Variants in TRPC4AP observed in about 807,000 individuals in gnomAD.
TRPC4AP encodes transient receptor potential cation channel subfamily C member 4 associated protein.
Under a neutral mutation model 99.0 loss-of-function variants are expected in TRPC4AP, and 45 were observed. The ratio of observed to expected loss-of-function variants is 0.45; its 90% confidence interval spans 0.36 to 0.58. The LOEUF is 0.58. Ranked by LOEUF, TRPC4AP falls within the 20% of genes least tolerant of loss-of-function variation. TRPC4AP has a pLI of 0.00. For synonymous variants in TRPC4AP, 408 were observed against 385.8 expected, an observed-to-expected ratio of 1.06 and a Z score of -0.67; for missense variants, 879 against 985.3, an observed-to-expected ratio of 0.89 and a Z score of 1.44.
At chr20:35,086,537 G>GTATGTATATA (rs1289641922) in intron 1 of TRPC4AP, among the ~76,000 whole-genome samples, 3 of 65,032 alleles carry the variant, frequency 4.6e-5, no homozygotes, top group African/African-American at 8.6e-5. Context: ...GTGTGTGTGT[G>GTATGTATATA]TGTGTGTGTG....
At chr20:35,039,272 T>A (rs1253291275) in intron 7 of TRPC4AP, among the ~76,000 whole-genome samples, 1 of 152,184 alleles carries the variant, frequency 6.6e-6, no homozygotes, top group Non-Finnish European at 1.5e-5. Flanking sequence ...CTCCTCCAGA[T>A]GGGAAGTGCC....
At chr20:35,057,369 G>A in intron 4 of TRPC4AP, 145 bp downstream of exon 4, 1 of 632,712 alleles carries the variant, frequency 1.6e-6, no homozygotes, top group Non-Finnish European at 2.8e-6. Context: ...GCTTAGCTGG[G>A]GGAGGAGAGA....
chr20:35,086,563 G>GTC (rs2084884774), intron 1 of TRPC4AP, among the ~76,000 whole-genome samples: 1 of 99,536 alleles, frequency 1.0e-5, no homozygotes, highest in Admixed American at 1.0e-4. Flanking sequence ...GTGTGTGTGT[G>GTC]TGTGTGTGTG....
chr20:35,011,947 A>G (rs894209837), intron 11 of TRPC4AP, among the ~76,000 whole-genome samples: 1 of 152,220 alleles, frequency 6.6e-6, no homozygotes, highest in Admixed American at 6.5e-5. Flanking sequence ...TCAACGGTGG[A>G]ATCCTTGGAT....
intron 1 of TRPC4AP, among the ~76,000 whole-genome samples, chr20:35,092,055 A>C (rs1486268791): frequency 1.3e-5 from 2 of 152,198 alleles, no homozygotes; most frequent in Admixed American, 1.3e-4. Context: ...GGCGAGAAAA[A>C]GGCAGACAAC....
At chr20:35,024,686 C>CT (rs1288516675) in intron 8 of TRPC4AP, among the ~76,000 whole-genome samples, 1 of 151,682 alleles carries the variant, frequency 6.6e-6, no homozygotes, top group African/African-American at 2.4e-5. Flanking sequence ...AAAAAATTAG[C>CT]TGGGCGTGGT....
chr20:35,038,666 C>T (rs933498293), intron 7 of TRPC4AP, among the ~76,000 whole-genome samples: 13 of 152,036 alleles, frequency 8.6e-5, no homozygotes, highest in Non-Finnish European at 2.9e-5. Flanking sequence ...GAATATTTTT[C>T]GAAGGACGTT....
chr20:35,010,108 G>T, intron 12 of TRPC4AP, 79 bp downstream of exon 12: 3 of 1,175,998 alleles, frequency 2.6e-6, no homozygotes, highest in Non-Finnish European at 3.8e-6. Context: ...GTGCATACCT[G>T]GATGTGCTCA....
At chr20:35,073,126 G>C (rs2084368460) in intron 2 of TRPC4AP, among the ~76,000 whole-genome samples, 2 of 152,192 alleles carry the variant, frequency 1.3e-5, no homozygotes, top group Admixed American at 1.3e-4. Flanking sequence ...CATTGATTTT[G>C]TATCCTGAGA....
At chr20:35,039,203 T>G (rs1010228177) in intron 7 of TRPC4AP, among the ~76,000 whole-genome samples, 1 of 152,250 alleles carries the variant, frequency 6.6e-6, no homozygotes, top group Non-Finnish European at 1.5e-5. Context: ...CTGCTTGACC[T>G]GCTCCTCTCA....
At chr20:35,084,352 T>G (rs939931768) in intron 1 of TRPC4AP, among the ~76,000 whole-genome samples, 1 of 151,646 alleles carries the variant, frequency 6.6e-6, no homozygotes, top group African/African-American at 2.4e-5. Context: ...TACACCAATG[T>G]AGCAAAATTT....
chr20:35,083,936 G>A (rs1030959330), intron 1 of TRPC4AP, among the ~76,000 whole-genome samples: 2 of 151,410 alleles, frequency 1.3e-5, no homozygotes, highest in African/African-American at 4.9e-5. Flanking sequence ...TGCAGTAGGG[G>A]AATGAAGGGC....
intron 8 of TRPC4AP, among the ~76,000 whole-genome samples, 199 bp from the exon 9 acceptor site, chr20:35,021,555 T>C (rs1402439425): frequency 6.6e-6 from 1 of 152,208 alleles, no homozygotes; most frequent in Non-Finnish European, 1.5e-5. Flanking sequence ...AAATGGACTC[T>C]GCAATAGTTG....
chr20:35,043,899 T>G (rs1012029167), intron 7 of TRPC4AP, among the ~76,000 whole-genome samples: 21 of 152,340 alleles, frequency 1.4e-4, no homozygotes, highest in African/African-American at 3.1e-4. Context: ...ATCTATAAAA[T>G]GAAGGCCCAG....
intron 1 of TRPC4AP, among the ~76,000 whole-genome samples, chr20:35,087,338 CAA>C (rs11483432): frequency 9.9e-5 from 11 of 111,494 alleles, no homozygotes; most frequent in East Asian, 2.7e-4. Flanking sequence ...GACTCCATCT[CAA>C]AAAAAAAAAA....
At chr20:35,078,271 C>G in intron 1 of TRPC4AP, 97 bp from the exon 2 acceptor site, 1 of 1,336,850 alleles carries the variant, frequency 7.5e-7, no homozygotes, top group Non-Finnish European at 1.0e-6. Context: ...CCACCCAGGA[C>G]AGTTACAAAT....
Position 35,003,500 on chromosome 20 carries a change from G to A in TRPC4AP, c.2166C>T (p.Pro722=), listed in dbSNP as rs149805431. The change falls in exon 18 of 19, where the codon CCC becomes CCT. Residue 722 remains proline, a synonymous_variant. Coordinates refer to ENST00000252015, the MANE Select transcript of TRPC4AP (RefSeq NM_015638.3). ...LQRMEHSKKY[P]GFLLNNFHNL... ...TGTGGAAGTTGTTGAGCAGGAAGCC[G>A]GGGTACTTCTTGCTGTGCTCCATCC... 438 of 1,614,058 alleles carry A rather than the reference G, an allele frequency of 2.7e-4. 2 individuals carry two copies. The highest frequency in any genetic ancestry group is 2.5e-3 in the African/African-American group (188 of 75,066).
At chr20:35,075,919 T>C (rs946700599) in intron 2 of TRPC4AP, among the ~76,000 whole-genome samples, 17 of 152,232 alleles carry the variant, frequency 1.1e-4, no homozygotes, top group African/African-American at 3.1e-4. Context: ...TTTGGTCTTT[T>C]CACACAGTCC....
chr20:35,080,667 G>C (rs976082869), intron 1 of TRPC4AP, among the ~76,000 whole-genome samples: 1 of 152,162 alleles, frequency 6.6e-6, no homozygotes, highest in African/African-American at 2.4e-5. Flanking sequence ...CAAAGGCTGT[G>C]GGGATGGGGA....
Sources: gnomAD v4.1 joint callset for allele counts (sites outside exome capture counted in the v4.1 genomes callset) on GRCh38, gnomAD v4.1.1 for gene constraint, MANE v1.5 for transcripts, NCBI Gene and HGNC (gene_info 2026-07-23, HGNC 2026-07-21) for gene names.